The following RUNX2 variants were observed in gnomAD, a reference collection of about 807,000 sequenced individuals.
The protein encoded by RUNX2 is runt-related transcription factor 2.
RUNX2 carries 10 observed loss-of-function variants against 51.7 expected under a neutral mutation model. The observed-to-expected ratio is 0.19, with a 90% CI of 0.12 to 0.33. The LOEUF (loss-of-function observed/expected upper bound fraction) is 0.33. Ranked by LOEUF, RUNX2 falls within the 10% of genes least tolerant of loss-of-function variation. RUNX2 has a pLI of 1.00. For synonymous variants in RUNX2, 276 were observed against 273.6 expected (o/e 1.01, Z -0.09); for missense variants, 562 against 691.3 (o/e 0.81, Z 2.10).
chr6:45,406,795 A>T lies in RUNX2; in HGVS notation c.59-15798A>T, dbSNP rs75787567. 5.3e-3 allele frequency among the ~76,000 whole-genome samples: 813 copies of T among 152,296 alleles called. 15 individuals are homozygous for T. The highest frequency in any genetic ancestry group is 0.053 in the East Asian group (275 of 5,184). On this transcript the variant is annotated intron_variant, in intron 2 of 8. Transcript: ENST00000647337. ...ATGTATTTGTTCCCAATCCCCGAAA[A>T]TACTAAAAATAATGACATGAATTTT...
intron 4 of RUNX2, among the ~76,000 whole-genome samples, chr6:45,434,159 A>G (rs572013633): frequency 6.6e-6 from 1 of 152,226 alleles, no homozygotes; most frequent in Non-Finnish European, 1.5e-5. Context: ...TGAGATGAAG[A>G]GGAAAAAAGG....
chr6:45,437,847 T>C, intron 4 of RUNX2, 100 bp from the exon 5 acceptor site: 3 of 877,082 alleles, frequency 3.4e-6, no homozygotes, highest in Non-Finnish European at 3.8e-6. Context: ...CATTGCCTCC[T>C]TAGAGATGCT....
chr6:45,328,445 G>A lies in RUNX2; in HGVS notation c.-82G>A, dbSNP rs748531347. 24 of 1,457,112 alleles carry A rather than the reference G, an allele frequency of 1.6e-5. No individual in the cohort carries two copies. Among genetic ancestry groups the A allele is most frequent in the Middle Eastern group, 1.9e-4 (1 of 5,288 alleles). The allele number at this position is 1,457,112 out of a possible 1,614,324, so 90.3% of individuals were successfully genotyped here. On this transcript the variant is annotated 5_prime_UTR_variant, in exon 1 of 9. Transcript: ENST00000647337. Reference sequence around the variant, plus strand: ...TCTCCGCAGGTCACTACCAGCCACCGAGACCAACAGAGTCAGTGAGTGCTC... The same window carrying A: ...TCTCCGCAGGTCACTACCAGCCACCAAGACCAACAGAGTCAGTGAGTGCTC...
chr6:45,399,891 A>C lies in RUNX2; in HGVS notation c.59-22702A>C, dbSNP rs142977562. ...AATATAATACATTCTTATTTTTAAA[A>C]TGCCTCCAGCCATATTGTTTGCACT... On this transcript the variant is annotated intron_variant, in intron 2 of 8. Coordinates refer to ENST00000647337, the MANE Select transcript of RUNX2 (RefSeq NM_001024630.4). Among the ~76,000 whole-genome samples, 716 of 147,246 alleles carry C rather than the reference A, an allele frequency of 4.9e-3. 6 individuals are homozygous for C. The highest frequency in any genetic ancestry group is 0.017 in the African/African-American group (682 of 39,596).
intron 2 of RUNX2, among the ~76,000 whole-genome samples, chr6:45,345,517 C>T (rs1041808645): frequency 2.0e-5 from 3 of 152,106 alleles, no homozygotes; most frequent in African/African-American, 2.4e-5. Context: ...CTTAATGGCA[C>T]GATCAGCTTG....
chr6:45,356,738 G>C (rs1048469297), intron 2 of RUNX2, among the ~76,000 whole-genome samples: 14 of 151,982 alleles, frequency 9.2e-5, no homozygotes, highest in Non-Finnish European at 1.8e-4. Flanking sequence ...ATGTAAAAGT[G>C]TCCATCAGTC....
chr6:45,518,647 T>C (rs1801407060), intron 7 of RUNX2, among the ~76,000 whole-genome samples: 1 of 152,226 alleles, frequency 6.6e-6, no homozygotes, highest in African/African-American at 2.4e-5. Flanking sequence ...TCTGATTTTT[T>C]ACATGGTTTT....
At chr6:45,415,677 T>A (rs1403184480) in intron 2 of RUNX2, among the ~76,000 whole-genome samples, 1 of 1,412 alleles carries the variant, frequency 7.1e-4, no homozygotes, top group Non-Finnish European at 9.9e-4. Flanking sequence ...TGTCCTGCAC[T>A]GCAGAAACTG....
intron 5 of RUNX2, among the ~76,000 whole-genome samples, chr6:45,446,772 A>G (rs1435651402): frequency 3.9e-5 from 6 of 152,220 alleles, no homozygotes; most frequent in Admixed American, 3.9e-4. Flanking sequence ...TTCACATAAA[A>G]TCTCTAAAGT....
At chr6:45,397,107 C>CT (rs548405066) in intron 2 of RUNX2, among the ~76,000 whole-genome samples, 10,677 of 143,636 alleles carry the variant, frequency 0.074, 510 homozygotes, top group South Asian at 0.18. Context: ...ATATTTAAAA[C>CT]TTTTTTTTTT....
intron 6 of RUNX2, among the ~76,000 whole-genome samples, chr6:45,498,693 G>T (rs1800715419): frequency 6.6e-6 from 1 of 152,176 alleles, no homozygotes; most frequent in Non-Finnish European, 1.5e-5. Context: ...ACTTCAGTCT[G>T]ATTCTGTATT....
Position 45,546,882 on chromosome 6 carries a change from C to T in RUNX2, c.1143C>T (p.Ser381=). Residue 381 remains serine (S), a synonymous_variant, in exon 9 of 9, where the codon TCC becomes TCT. Coordinates refer to ENST00000647337, the MANE Select transcript of RUNX2 (RefSeq NM_001024630.4). ...SDPRQFPSIS[S]LTESRFSNPR... ...CCAGGCAGTTCCCAAGCATTTCATCCCTCACTGAGAGCCGCTTCTCCAACC... is the reference window on the plus strand; with the variant it reads ...CCAGGCAGTTCCCAAGCATTTCATCTCTCACTGAGAGCCGCTTCTCCAACC... 1.2e-6 allele frequency: 2 copies of T among 1,613,992 alleles called. No homozygotes were observed. Among genetic ancestry groups the T allele is most frequent in the Non-Finnish European group, 1.7e-6 (2 of 1,179,996 alleles).
intron 5 of RUNX2, among the ~76,000 whole-genome samples, chr6:45,447,644 C>G (rs1198190745): frequency 1.3e-5 from 2 of 152,096 alleles, no homozygotes; most frequent in African/African-American, 4.8e-5. Context: ...TTTAGTAGAT[C>G]CTTGTTTTAT....
At chr6:45,357,350 T>G (rs1010551674) in intron 2 of RUNX2, among the ~76,000 whole-genome samples, 50 of 151,164 alleles carry the variant, frequency 3.3e-4, no homozygotes, top group African/African-American at 1.2e-3. Flanking sequence ...TTTTATTTTT[T>G]GAGACAGTCT....
At chr6:45,438,152 T>C in intron 5 of RUNX2, 101 bp downstream of exon 5, 1 of 799,264 alleles carries the variant, frequency 1.3e-6, no homozygotes, top group Non-Finnish European at 2.2e-6. Flanking sequence ...GTCCATAGTG[T>C]CTTTGTGGAC....
At chr6:45,467,081 TCTTGAAGGTTGCTTAGCCATGGTCCATGC>T (rs1233322733) in intron 5 of RUNX2, among the ~76,000 whole-genome samples, 1 of 152,166 alleles carries the variant, frequency 6.6e-6, no homozygotes, top group African/African-American at 2.4e-5. Flanking sequence ...TTGACTGTTG[TCTTGAAGGTTGCTTAGCCATGGTCCATGC>T]CTTACTCTGG....
intron 5 of RUNX2, among the ~76,000 whole-genome samples, chr6:45,441,667 T>C (rs946626571): frequency 2.0e-5 from 3 of 152,238 alleles, no homozygotes; most frequent in South Asian, 2.1e-4. Context: ...ATATTACTTT[T>C]TTCCCCCTGC....
intron 4 of RUNX2, among the ~76,000 whole-genome samples, chr6:45,436,469 A>G (rs1029870068): frequency 5.9e-5 from 9 of 152,146 alleles, no homozygotes; most frequent in Admixed American, 5.9e-4. Flanking sequence ...AATTGAGATA[A>G]TGTGTATGAA....
intron 5 of RUNX2, among the ~76,000 whole-genome samples, chr6:45,483,872 C>A (rs995390481): frequency 6.6e-6 from 1 of 152,154 alleles, no homozygotes; most frequent in Non-Finnish European, 1.5e-5. Context: ...GAGTAGAGCA[C>A]AAGCTGGGAG....
Sources: gnomAD v4.1 joint callset for allele counts (sites outside exome capture counted in the v4.1 genomes callset) on GRCh38, gnomAD v4.1.1 for gene constraint, MANE v1.5 for transcripts, NCBI Gene and HGNC (gene_info 2026-07-23, HGNC 2026-07-21) for gene names.